The following CACUL1 variants were observed in gnomAD, a reference collection of about 807,000 sequenced individuals.
CACUL1 encodes CDK2-associated and cullin domain-containing protein 1.
A neutral mutation model predicts 45.2 loss-of-function variants in CACUL1; 13 were observed. The ratio of observed to expected loss-of-function variants is 0.29; its 90% CI spans 0.19 to 0.46. CACUL1 has a LOEUF of 0.46. Among genes scored for constraint, CACUL1 ranks in the 20% least tolerant of loss-of-function variants. CACUL1 has a pLI of 1.00. For synonymous variants in CACUL1, 197 were observed against 174.2 expected (o/e 1.13, Z -1.03); for missense variants, 421 against 471.4 (o/e 0.89, Z 0.99).
At chr10:118,711,593 TTAAAA>T (rs1198800337) in intron 3 of CACUL1, among the ~76,000 whole-genome samples, 1 of 152,208 alleles carries the variant, frequency 6.6e-6, no homozygotes, top group African/African-American at 2.4e-5. Context: ...AGCTGTTGCA[TTAAAA>T]TAATGTTGTT....
intron 4 of CACUL1, among the ~76,000 whole-genome samples, chr10:118,703,854 T>A (rs1438549128): frequency 6.6e-6 from 1 of 152,196 alleles, no homozygotes; most frequent in Non-Finnish European, 1.5e-5. Flanking sequence ...GAACTGTCTG[T>A]TCATATGCTT....
At chr10:118,720,943 A>C (rs1845593971) in intron 3 of CACUL1, among the ~76,000 whole-genome samples, 1 of 152,234 alleles carries the variant, frequency 6.6e-6, no homozygotes, top group Non-Finnish European at 1.5e-5. Flanking sequence ...CATAACTTAG[A>C]AACATTTTCA....
At position 118,754,557 on chromosome 10, in the gene CACUL1, C is replaced by A; in HGVS notation, c.206G>T (p.Gly69Val). 1 of 1,611,998 alleles carries A rather than the reference C, an allele frequency of 6.2e-7. No homozygotes were observed. The highest frequency in any genetic ancestry group is 1.1e-5 in the South Asian group (1 of 90,978). Reference protein sequence around the residue: ...AVPAVSVDRKGPKEGLPMGPQ... With the variant: ...AVPAVSVDRKVPKEGLPMGPQ... Reference sequence around the variant, plus strand: ...CCCCATCGGGAGCCCCTCCTTGGGGCCTTTCCTGTCCACGGAGACCGCGGG... The same window carrying A: ...CCCCATCGGGAGCCCCTCCTTGGGGACTTTCCTGTCCACGGAGACCGCGGG... Residue 69 changes from glycine to valine, a missense_variant, in exon 1 of 9, where the codon GGC becomes GTC. This residue lies in a region of CACUL1 where 213 missense variants were observed against 173.1 expected (regional missense o/e 1.23). Transcript: ENST00000369151.
intron 4 of CACUL1, among the ~76,000 whole-genome samples, chr10:118,702,755 T>G (rs536575676): frequency 6.6e-6 from 1 of 152,180 alleles, no homozygotes; most frequent in South Asian, 2.1e-4. Flanking sequence ...CTAATTTTTG[T>G]ATTTTTAGTA....
intron 1 of CACUL1, among the ~76,000 whole-genome samples, chr10:118,747,784 T>C (rs1028786536): frequency 1.1e-4 from 16 of 152,124 alleles, no homozygotes; most frequent in Admixed American, 2.6e-4. Flanking sequence ...GTTAACTGAC[T>C]GCAAAGAGAC....
intron 3 of CACUL1, among the ~76,000 whole-genome samples, chr10:118,715,721 C>T (rs1845536126): frequency 6.6e-6 from 1 of 152,068 alleles, no homozygotes; most frequent in Admixed American, 6.6e-5. Context: ...CGTCCCCAGC[C>T]AACCGAAATG....
At chr10:118,708,309 G>T (rs1367903090) in intron 3 of CACUL1, among the ~76,000 whole-genome samples, 1 of 152,110 alleles carries the variant, frequency 6.6e-6, no homozygotes, top group Non-Finnish European at 1.5e-5. Flanking sequence ...CTATTAGAAT[G>T]GCTAATGAAA....
At chr10:118,700,347 C>T (rs1845366582) in intron 5 of CACUL1, among the ~76,000 whole-genome samples, 1 of 152,154 alleles carries the variant, frequency 6.6e-6, no homozygotes, top group Non-Finnish European at 1.5e-5. Flanking sequence ...TTCCTAACTC[C>T]ACCTGGAGAA....
Position 118,685,178 on chromosome 10 carries a change from C to T in CACUL1, c.*950G>A, listed in dbSNP as rs966732022. ...TAACTGTATCTGCTTCCTAGAGCAT[C>T]GCAGGAAGTAGCTCTCAATAATACT... On this transcript the variant is annotated 3_prime_UTR_variant, in exon 9 of 9. Coordinates refer to ENST00000369151, the MANE Select transcript of CACUL1 (RefSeq NM_153810.5). The T allele has an allele frequency of 2.1e-5, 3 of 142,576 alleles. No individual in the cohort carries two copies. Among genetic ancestry groups the T allele is most frequent in the Non-Finnish European group, 4.7e-5 (3 of 63,718 alleles). The allele number at this position is 142,576 out of a possible 1,614,324, so 8.8% of individuals were successfully genotyped here.
chr10:118,749,944 T>C (rs1317781856), intron 1 of CACUL1, among the ~76,000 whole-genome samples: 1 of 152,236 alleles, frequency 6.6e-6, no homozygotes, highest in Non-Finnish European at 1.5e-5. Context: ...AGATGTACCC[T>C]TTCCTACCAA....
At chr10:118,705,085 A>C (rs2119587176) in intron 4 of CACUL1, among the ~76,000 whole-genome samples, 1 of 152,360 alleles carries the variant, frequency 6.6e-6, no homozygotes, top group Non-Finnish European at 1.5e-5. Context: ...TCTGAAGTTC[A>C]TTCTTATTTA....
chr10:118,688,312 T>C (rs1304074719), intron 7 of CACUL1, among the ~76,000 whole-genome samples: 1 of 152,268 alleles, frequency 6.6e-6, no homozygotes, highest in East Asian at 1.9e-4. Flanking sequence ...GTGTCTTCCG[T>C]TGTTATTCAC....
rs923703807 is a variant in CACUL1, at chr10:118,678,266, T to C, written c.*7862A>G. The C allele has an allele frequency of 1.3e-5, 2 of 152,348 alleles. No individual in the cohort carries two copies. Among genetic ancestry groups the C allele is most frequent in the East Asian group, 1.9e-4 (1 of 5,192 alleles). 9.4% of individuals were successfully genotyped at this position (152,348 alleles called of 1,614,324 possible). ...CTTCTCTTTTCACTCTACAGCATGT[T>C]TGGTAATAAGTACTTACAATCAATG... On this transcript the variant is annotated 3_prime_UTR_variant, in exon 9 of 9. Coordinates refer to ENST00000369151, the MANE Select transcript of CACUL1 (RefSeq NM_153810.5).
At position 118,730,373 on chromosome 10, in the gene CACUL1, T is replaced by A; in HGVS notation, c.405A>T (p.Thr135=). 6.2e-7 allele frequency: 1 copy of A among 1,613,586 alleles called. No homozygotes were observed. Among genetic ancestry groups the A allele is most frequent in the Non-Finnish European group, 8.5e-7 (1 of 1,179,480 alleles). The part of the protein sequence containing the change: ...NVITIEDYKS[T]YWPKLDGAID... ...TGGCACCATCCAATTTTGGCCAGTA[T>A]GTGCTCTTATAATCTTCAATAGTTA... The change falls in exon 2 of 9, where the codon ACA becomes ACT. Residue 135 remains threonine (T), a synonymous_variant. Coordinates refer to ENST00000369151, the MANE Select transcript of CACUL1 (RefSeq NM_153810.5).
rs1845812619 is a variant in CACUL1 at position 118,743,638 on chromosome 10, A to G, written c.367+10758T>C. On this transcript the variant is annotated intron_variant, in intron 1 of 8. Transcript: ENST00000369151. ...TAGCTATTCAGGAGGCTGAGGCAGGAGAATCACTTGAACCCGGGAGGTGGA... is the reference window on the plus strand; with the variant it reads ...TAGCTATTCAGGAGGCTGAGGCAGGGGAATCACTTGAACCCGGGAGGTGGA... Among the ~76,000 whole-genome samples, 3 of 152,256 alleles carry G rather than the reference A, an allele frequency of 2.0e-5. No homozygotes were observed. The South Asian group carries it at 6.2e-4, about 32-fold the overall frequency.
intron 3 of CACUL1, among the ~76,000 whole-genome samples, chr10:118,708,841 T>C (rs563121974): frequency 6.8e-4 from 103 of 152,292 alleles, no homozygotes; most frequent in African/African-American, 2.3e-3. Context: ...GGAAGCACCT[T>C]TGTCTTGGAC....
chr10:118,718,076 C>G (rs1425406031), intron 3 of CACUL1, among the ~76,000 whole-genome samples: 1 of 152,168 alleles, frequency 6.6e-6, no homozygotes, highest in Non-Finnish European at 1.5e-5. Context: ...AACCCTGCAA[C>G]CTGGTGACCC....
chr10:118,722,860 AT>A (rs1341966469), intron 3 of CACUL1, among the ~76,000 whole-genome samples: 3 of 152,214 alleles, frequency 2.0e-5, no homozygotes, highest in African/African-American at 7.2e-5. Flanking sequence ...GACCATTGCC[AT>A]GGCAACACCC....
rs534516698 is a variant in CACUL1 at position 118,739,121 on chromosome 10, G to A, written c.368-8711C>T. Among the ~76,000 whole-genome samples the A allele has an allele frequency of 6.2e-4, 94 of 151,788 alleles. 2 individuals carry two copies. Among genetic ancestry groups the A allele is most frequent in the South Asian group, 5.2e-3 (25 of 4,806 alleles). On this transcript the variant is annotated intron_variant, in intron 1 of 8. Coordinates refer to ENST00000369151, the MANE Select transcript of CACUL1 (RefSeq NM_153810.5). The stretch of plus-strand genomic sequence containing the variant: ...TGAGGCAAGAGAATGGTGTGAACCC[G>A]GGAGGTGGAGCTTGCAGTGAGCCGA...
Sources: gnomAD v4.1 joint callset for allele counts (sites outside exome capture counted in the v4.1 genomes callset) on GRCh38, gnomAD v4.1.1 for gene constraint, gnomAD v4.1.1 regional missense constraint, MANE v1.5 for transcripts, NCBI Gene and HGNC (gene_info 2026-07-23, HGNC 2026-07-21) for gene names.